The following ADAMTS14 variants were observed in gnomAD, a reference collection of about 807,000 sequenced individuals.
ADAMTS14 encodes the protein ADAM metallopeptidase with thrombospondin type 1 motif 14.
A neutral mutation model predicts 128.6 loss-of-function variants in ADAMTS14; 100 were observed. That is an observed-to-expected ratio of 0.78 (90% CI 0.66 to 0.92). The LOEUF is 0.92. Ranked by LOEUF, ADAMTS14 falls within the 40% of genes least tolerant of loss-of-function variation. The probability of loss-of-function intolerance (pLI) is 0.00; values close to 1 mark genes in which losing one functional copy is unlikely to be tolerated. For synonymous variants in ADAMTS14, 665 were observed against 653.8 expected, an observed-to-expected ratio of 1.02 and a Z score of -0.26; for missense variants, 1,562 against 1,658.6, an observed-to-expected ratio of 0.94 and a Z score of 1.01.
In ADAMTS14 at chr10:70,745,858, G is replaced by C. The variant is rs1290103581; in HGVS notation, c.2263+552G>C. Among the ~76,000 whole-genome samples the C allele has an allele frequency of 1.3e-4, 20 of 152,142 alleles. 1 individual carries two copies. The highest frequency in any genetic ancestry group is 4.6e-4 in the Admixed American group (7 of 15,276). ...TAGGATGGCCTCGCTCACATGTCTGGTGGTTGGTACTGGCTGTCAGCTGGG... is the reference window on the plus strand; with the variant it reads ...TAGGATGGCCTCGCTCACATGTCTGCTGGTTGGTACTGGCTGTCAGCTGGG... On this transcript the variant is annotated intron_variant, in intron 15 of 21. Coordinates refer to ENST00000373207, the MANE Select transcript of ADAMTS14 (RefSeq NM_080722.4).
intron 1 of ADAMTS14, 27 bp downstream of exon 1, chr10:70,672,911 C>T (rs1839525212): frequency 2.1e-6 from 3 of 1,436,788 alleles, no homozygotes; most frequent in East Asian, 5.8e-5. Flanking sequence ...CGCGCGGGGG[C>T]CCGTGGGGTC....
chr10:70,759,351 C>T (rs1365880642), intron 21 of ADAMTS14, among the ~76,000 whole-genome samples: 2 of 152,092 alleles, frequency 1.3e-5, no homozygotes, highest in African/African-American at 4.8e-5. Context: ...CTTCCCACCT[C>T]CCTCTTTCTC....
chr10:70,760,966 C>T lies in ADAMTS14; in HGVS notation c.*113C>T. On this transcript the variant is annotated 3_prime_UTR_variant, in exon 22 of 22. Transcript: ENST00000373207. ...CGCAAGCACAGACTTCATTTTAAAT[C>T]ATTCGCCTTCTTCTCGTTTGGGGCT... The T allele has an allele frequency of 7.3e-7, 1 of 1,372,096 alleles. No homozygotes were observed. The highest frequency in any genetic ancestry group is 1.7e-5 in the South Asian group (1 of 60,244). The allele number at this position is 1,372,096 out of a possible 1,614,324, so 85.0% of individuals were successfully genotyped here.
chr10:70,672,954 GC>G, intron 1 of ADAMTS14, 70 bp downstream of exon 1: 1 of 1,370,024 alleles, frequency 7.3e-7, no homozygotes, highest in Non-Finnish European at 9.4e-7. Flanking sequence ...GCCCAAGGTT[GC>G]CCCAGCCACC....
At chr10:70,687,190 A>C (rs1434175248) in intron 2 of ADAMTS14, among the ~76,000 whole-genome samples, 2 of 65,836 alleles carry the variant, frequency 3.0e-5, no homozygotes, top group African/African-American at 1.3e-4. Flanking sequence ...AGGGGGGCTG[A>C]CCCCCCCCAC....
intron 1 of ADAMTS14, 109 bp downstream of exon 1, chr10:70,672,993 A>G: frequency 1.5e-6 from 2 of 1,318,886 alleles, no homozygotes; most frequent in Non-Finnish European, 1.9e-6. Context: ...GGTGGGAGGC[A>G]GTATGCACAC....
chr10:70,673,030 C>A, intron 1 of ADAMTS14, 146 bp downstream of exon 1: 1 of 1,190,544 alleles, frequency 8.4e-7, no homozygotes, highest in Non-Finnish European at 1.1e-6. Context: ...GTCTTTTCTT[C>A]CACTGTGCCA....
In ADAMTS14 at chr10:70,693,876, C is replaced by A. The variant is rs182007490; in HGVS notation, c.523-8436C>A. On this transcript the variant is annotated intron_variant, in intron 2 of 21. Transcript: ENST00000373207. Reference sequence around the variant, plus strand: ...CTCTGCTTCCTGGTGTTTCTTTGAACCTTTGGCTTGTTGTGGCAGCGCTGA... The same window carrying A: ...CTCTGCTTCCTGGTGTTTCTTTGAAACTTTGGCTTGTTGTGGCAGCGCTGA... Among the ~76,000 whole-genome samples, 393 of 152,230 alleles carry A rather than the reference C, an allele frequency of 2.6e-3. 2 individuals are homozygous for A. The Middle Eastern group carries it at 0.037, about 14-fold the overall frequency.
intron 2 of ADAMTS14, among the ~76,000 whole-genome samples, chr10:70,696,017 G>T (rs144982957): frequency 3.3e-5 from 5 of 152,342 alleles, no homozygotes; most frequent in East Asian, 1.9e-4. Flanking sequence ...AAGCCAGGGG[G>T]TATGGAGGTG....
At chr10:70,740,195 T>C (rs1841952218) in intron 11 of ADAMTS14, among the ~76,000 whole-genome samples, 1 of 151,980 alleles carries the variant, frequency 6.6e-6, no homozygotes, top group Admixed American at 6.6e-5. Flanking sequence ...TATTATAGTA[T>C]GTCAAGCACT....
At chr10:70,739,102 G>T in intron 11 of ADAMTS14, 112 bp downstream of exon 11, 1 of 1,323,024 alleles carries the variant, frequency 7.6e-7, no homozygotes, top group Non-Finnish European at 1.0e-6. Flanking sequence ...CCCTGTGGGT[G>T]GTTGTGTATG....
Position 70,674,560 on chromosome 10 carries a change from G to T in ADAMTS14, c.87G>T (p.Leu29=), listed in dbSNP as rs1386551949. 2 of 1,609,976 alleles carry T rather than the reference G, an allele frequency of 1.2e-6. No individual in the cohort carries two copies. The highest frequency in any genetic ancestry group is 3.3e-5 in the Admixed American group (2 of 59,962). Residue 29 remains leucine, a synonymous_variant, in exon 2 of 22, where the codon CTG becomes CTT. Transcript: ENST00000373207. ...CTCTTTGTTTACCTCCAACAGAGCT[G>T]CACCTCTCTGGAAAGCTCAGTGACT... ...CAAAGSRTPE[L]HLSGKLSDYG...
chr10:70,720,629 A>G (rs967474547), intron 4 of ADAMTS14, among the ~76,000 whole-genome samples: 2 of 152,254 alleles, frequency 1.3e-5, no homozygotes, highest in Non-Finnish European at 2.9e-5. Flanking sequence ...CTCAGACCAC[A>G]GGTAGTAGTA....
At chr10:70,735,480 G>A (rs1841797463) in intron 9 of ADAMTS14, among the ~76,000 whole-genome samples, 179 bp downstream of exon 9, 1 of 152,266 alleles carries the variant, frequency 6.6e-6, no homozygotes, top group Admixed American at 6.5e-5. Flanking sequence ...GTGGGGGCAG[G>A]TGGACACAGT....
chr10:70,695,829 A>G (rs1840318276), intron 2 of ADAMTS14, among the ~76,000 whole-genome samples: 1 of 152,248 alleles, frequency 6.6e-6, no homozygotes. Flanking sequence ...AGTCATTTGC[A>G]GTCATGCAGT....
rs1306324793 is a variant in ADAMTS14 at position 70,688,989 on chromosome 10, C to A, written c.523-13323C>A. On this transcript the variant is annotated intron_variant, in intron 2 of 21. Coordinates refer to ENST00000373207, the MANE Select transcript of ADAMTS14 (RefSeq NM_080722.4). ...GCCACTTTCCCCTCCAAGCCACTCC[C>A]GTCCCCCAGGCAGAGGTTCACATCC... Among the ~76,000 whole-genome samples the A allele has an allele frequency of 1.9e-5, 2 of 105,862 alleles. 1 individual carries two copies. Among genetic ancestry groups the A allele is most frequent in the Non-Finnish European group, 5.0e-5 (2 of 39,854 alleles). 69.4% of individuals were successfully genotyped at this position (105,862 alleles called of 152,430 possible).
chr10:70,697,166 G>T (rs112858036), intron 2 of ADAMTS14, among the ~76,000 whole-genome samples: 1 of 152,308 alleles, frequency 6.6e-6, no homozygotes, highest in African/African-American at 2.4e-5. Flanking sequence ...TTCTCCTCTG[G>T]GGAAGCCCCA....
rs139692853 is a variant in ADAMTS14, at chr10:70,689,406, A to C, written c.523-12906A>C. Among the ~76,000 whole-genome samples the C allele has an allele frequency of 7.7e-4, 112 of 144,884 alleles. 8 individuals carry two copies. In the East Asian group the frequency reaches 0.013, roughly 17 times the overall value. On this transcript the variant is annotated intron_variant, in intron 2 of 21. Coordinates refer to ENST00000373207, the MANE Select transcript of ADAMTS14 (RefSeq NM_080722.4). ...GATAGAGCACCTGCCAAGAGCCACC[A>C]CCACAGAGCACAAAGGAGGGAGCAG... is the stretch of plus-strand genomic sequence containing the variant.
intron 2 of ADAMTS14, among the ~76,000 whole-genome samples, chr10:70,701,806 A>C (rs893278572): frequency 6.6e-6 from 1 of 152,098 alleles, no homozygotes; most frequent in African/African-American, 2.4e-5. Flanking sequence ...ACGTGCTTTC[A>C]ACCTGAAATA....
Sources: allele counts gnomAD v4.1 joint callset (sites outside exome capture counted in the v4.1 genomes callset), GRCh38; gene constraint gnomAD v4.1.1; transcripts MANE v1.5; gene names NCBI Gene and HGNC (gene_info 2026-07-23, HGNC 2026-07-21).